Variants in GRIN2A observed in about 807,000 individuals in gnomAD.
The protein encoded by GRIN2A is glutamate ionotropic receptor NMDA type subunit 2A.
Under a neutral mutation model 113.4 loss-of-function variants are expected in GRIN2A, and 22 were observed. That is an observed-to-expected ratio of 0.19 (90% CI 0.14 to 0.28). The LOEUF is 0.28. Ranked by LOEUF, GRIN2A falls within the 10% of genes least tolerant of loss-of-function variation. The pLI, the probability that GRIN2A is intolerant of heterozygous loss-of-function variation, is 1.00. For missense variants in GRIN2A, 1,502 were observed against 1,887.0 expected (o/e 0.80, Z 3.78); for synonymous variants, 827 against 738.4 (o/e 1.12, Z -1.94).
chr16:9,907,548 T>G (rs1218130840), intron 3 of GRIN2A, among the ~76,000 whole-genome samples: 1 of 152,194 alleles, frequency 6.6e-6, no homozygotes, highest in Non-Finnish European at 1.5e-5. Context: ...CAGTCATGAT[T>G]ATACGAATCT....
At chr16:9,960,895 G>C (rs2045426667) in intron 2 of GRIN2A, among the ~76,000 whole-genome samples, 1 of 152,136 alleles carries the variant, frequency 6.6e-6, no homozygotes, top group Non-Finnish European at 1.5e-5. Context: ...CAAAGTGCTG[G>C]GATTACAGGC....
chr16:10,024,970 T>A (rs1396381289), intron 2 of GRIN2A, among the ~76,000 whole-genome samples: 4 of 151,286 alleles, frequency 2.6e-5, no homozygotes, highest in Non-Finnish European at 4.4e-5. Context: ...AAAAAAAGCA[T>A]AGTTGAAATG....
intron 2 of GRIN2A, among the ~76,000 whole-genome samples, chr16:10,124,209 A>G (rs1356395218): frequency 1.3e-5 from 2 of 152,102 alleles, no homozygotes; most frequent in African/African-American, 4.8e-5. Flanking sequence ...CTAGGCCACG[A>G]TGTATAGGGA....
intron 11 of GRIN2A, among the ~76,000 whole-genome samples, chr16:9,774,793 T>C (rs745602616): frequency 3.9e-5 from 6 of 152,204 alleles, no homozygotes; most frequent in Admixed American, 1.3e-4. Flanking sequence ...CATACACTAA[T>C]TACAAAATCA....
intron 4 of GRIN2A, among the ~76,000 whole-genome samples, chr16:9,851,004 A>C (rs1334815338): frequency 6.6e-6 from 1 of 151,956 alleles, no homozygotes; most frequent in African/African-American, 2.4e-5. Flanking sequence ...CGAGGAAAAC[A>C]CCTCGTGTGA....
intron 3 of GRIN2A, among the ~76,000 whole-genome samples, chr16:9,906,412 G>A (rs1403736756): frequency 6.6e-6 from 1 of 152,154 alleles, no homozygotes; most frequent in Non-Finnish European, 1.5e-5. Flanking sequence ...AGTCATAGCT[G>A]TTGTTTCTGG....
intron 2 of GRIN2A, among the ~76,000 whole-genome samples, chr16:10,128,117 T>A (rs2048984435): frequency 6.6e-6 from 1 of 152,202 alleles, no homozygotes; most frequent in African/African-American, 2.4e-5. Flanking sequence ...TCATCCATTG[T>A]TGCTGAGAAG....
At chr16:10,064,542 A>G (rs2047611545) in intron 2 of GRIN2A, among the ~76,000 whole-genome samples, 2 of 152,194 alleles carry the variant, frequency 1.3e-5, no homozygotes, top group African/African-American at 4.8e-5. Flanking sequence ...CTCTACATTG[A>G]TGTTTCTCAA....
At chr16:9,972,283 T>A (rs1463922902) in intron 2 of GRIN2A, among the ~76,000 whole-genome samples, 1 of 152,210 alleles carries the variant, frequency 6.6e-6, no homozygotes, top group African/African-American at 2.4e-5. Flanking sequence ...GAATACTCTT[T>A]AAGGAAATAT....
In GRIN2A at chr16:9,969,573, C is replaced by A. The variant is rs541187616; in HGVS notation, c.415-31022G>T. Among the ~76,000 whole-genome samples the A allele has an allele frequency of 5.3e-5, 8 of 152,306 alleles. No homozygotes were observed. In the South Asian group the frequency reaches 1.7e-3, roughly 32 times the overall value. On this transcript the variant is annotated intron_variant, in intron 2 of 12. Coordinates refer to ENST00000330684, the MANE Select transcript of GRIN2A (RefSeq NM_001134407.3). Reference sequence around the variant, plus strand: ...CCATAAGCCAGTTAAGCTCAGCAGACTCTAAAACTGACCTTGTCATCCACC... The same window carrying A: ...CCATAAGCCAGTTAAGCTCAGCAGAATCTAAAACTGACCTTGTCATCCACC...
intron 5 of GRIN2A, among the ~76,000 whole-genome samples, chr16:9,842,548 T>A (rs921177766): frequency 6.6e-6 from 1 of 152,144 alleles, no homozygotes; most frequent in Non-Finnish European, 1.5e-5. Flanking sequence ...CCATGTCATA[T>A]GAAAAAAGTA....
chr16:9,960,232 C>T (rs1041774255), intron 2 of GRIN2A, among the ~76,000 whole-genome samples: 3 of 152,160 alleles, frequency 2.0e-5, no homozygotes, highest in African/African-American at 7.2e-5. Flanking sequence ...AACTAGATTG[C>T]AGACACAGAG....
At chr16:9,816,823 G>C (rs144156439) in intron 10 of GRIN2A, among the ~76,000 whole-genome samples, 346 of 152,200 alleles carry the variant, frequency 2.3e-3, no homozygotes, top group Non-Finnish European at 3.2e-3. Flanking sequence ...TGGCTCAGTG[G>C]GGCTCAGCAA....
At chr16:9,889,144 C>A (rs531360706) in intron 4 of GRIN2A, among the ~76,000 whole-genome samples, 11 of 152,216 alleles carry the variant, frequency 7.2e-5, no homozygotes, top group African/African-American at 2.4e-4. Flanking sequence ...AGTTTTTCAG[C>A]AAATATGAGC....
chr16:9,933,017 A>T lies in GRIN2A; in HGVS notation c.1007+4942T>A, dbSNP rs1181184950. ...CCACCAGCCAAACAGGTCATGGTTT[A>T]CCTTCACAATTTTGGGAGTTAACAG... On this transcript the variant is annotated intron_variant, in intron 3 of 12. Transcript: ENST00000330684. Among the ~76,000 whole-genome samples, 3 of 152,200 alleles carry T rather than the reference A, an allele frequency of 2.0e-5. No individual in the cohort carries two copies. The South Asian group carries it at 6.2e-4, about 31-fold the overall frequency.
At chr16:9,929,984 G>C (rs2044551392) in intron 3 of GRIN2A, among the ~76,000 whole-genome samples, 1 of 152,120 alleles carries the variant, frequency 6.6e-6, no homozygotes, top group South Asian at 2.1e-4. Context: ...CTATTCATTG[G>C]GTGCCAATTG....
Position 9,933,795 on chromosome 16 carries a change from A to G in GRIN2A, c.1007+4164T>C, listed in dbSNP as rs1161874968. ...ATGTAAGTGTAAAGATGGAACACTT[A>G]TACAACAGAATATCATCAATAAAAT... On this transcript the variant is annotated intron_variant, in intron 3 of 12. Transcript: ENST00000330684. Among the ~76,000 whole-genome samples the G allele has an allele frequency of 2.0e-5, 3 of 152,378 alleles. No homozygotes were observed. In the East Asian group the frequency reaches 5.8e-4, roughly 29 times the overall value.
chr16:10,036,458 T>TC (rs2047030534), intron 2 of GRIN2A, among the ~76,000 whole-genome samples: 1 of 67,554 alleles, frequency 1.5e-5, no homozygotes, highest in Non-Finnish European at 2.8e-5. Flanking sequence ...TCTTTTTTTT[T>TC]TTTTTTTTTT....
At chr16:9,941,793 G>T (rs1181251680) in intron 2 of GRIN2A, among the ~76,000 whole-genome samples, 1 of 152,140 alleles carries the variant, frequency 6.6e-6, no homozygotes, top group African/African-American at 2.4e-5. Flanking sequence ...GAGTCACGTT[G>T]CTCCTCACTT....
Sources: allele counts gnomAD v4.1 joint callset (sites outside exome capture counted in the v4.1 genomes callset), GRCh38; gene constraint gnomAD v4.1.1; transcripts MANE v1.5; gene names NCBI Gene and HGNC (gene_info 2026-07-23, HGNC 2026-07-21).